Variants in THBS2 observed in about 807,000 individuals in gnomAD.
The protein encoded by THBS2 is thrombospondin 2, also known as thrombospondin-2.
THBS2 carries 47 observed loss-of-function variants against 135.2 expected under a neutral mutation model. The observed-to-expected ratio is 0.35, with a 90% CI of 0.28 to 0.44. The LOEUF (loss-of-function observed/expected upper bound fraction) is 0.44. Among genes scored for constraint, THBS2 ranks in the 20% least tolerant of loss-of-function variants. The pLI, the probability that THBS2 is intolerant of heterozygous loss-of-function variation, is 1.00. For missense variants in THBS2, 1,288 were observed against 1,603.1 expected, an observed-to-expected ratio of 0.80 and a Z score of 3.36; for synonymous variants, 639 against 633.8, an observed-to-expected ratio of 1.01 and a Z score of -0.12.
At chr6:169,236,056 CTCCCCATCCACACTCA>C (rs1308172492) in intron 9 of THBS2, among the ~76,000 whole-genome samples, 2 of 121,800 alleles carry the variant, frequency 1.6e-5, no homozygotes, top group Admixed American at 1.6e-4. Context: ...TCCACACTCA[CTCCCCATCCACACTCA>C]CCATCCACAC....
chr6:169,218,228 T>G (rs111069635), intron 21 of THBS2, among the ~76,000 whole-genome samples: 18,638 of 55,330 alleles, frequency 0.34, 1,586 homozygotes, highest in Middle Eastern at 0.51. Flanking sequence ...GATGAGATGG[T>G]TGGGTGGCTG....
chr6:169,231,828 T>G (rs937345485), intron 13 of THBS2, 152 bp downstream of exon 13: 1 of 827,404 alleles, frequency 1.2e-6, no homozygotes, highest in African/African-American at 1.7e-5. Flanking sequence ...ACCAGGGGGA[T>G]GCATTCAACC....
chr6:169,245,671 A>G lies in THBS2; in HGVS notation c.694+526T>C, dbSNP rs1380404317. Among the ~76,000 whole-genome samples, 3 of 151,918 alleles carry G rather than the reference A, an allele frequency of 2.0e-5. No individual in the cohort carries two copies. The East Asian group carries it at 5.8e-4, about 30-fold the overall frequency. On this transcript the variant is annotated intron_variant, in intron 4 of 21. Transcript: ENST00000617924. The stretch of plus-strand genomic sequence containing the variant: ...GCTGGGTGTGGTGGCGGGTGCCTGT[A>G]GTCCCAGCTACTCAGGAGGCTGAGG...
At chr6:169,227,557 C>A (rs1048194551) in intron 15 of THBS2, among the ~76,000 whole-genome samples, 1 of 152,154 alleles carries the variant, frequency 6.6e-6, no homozygotes, top group Non-Finnish European at 1.5e-5. Context: ...CCCAGGACTG[C>A]AAGGCTGGGG....
chr6:169,243,374 A>G (rs1440342609), intron 4 of THBS2, among the ~76,000 whole-genome samples: 3 of 152,222 alleles, frequency 2.0e-5, no homozygotes, highest in Admixed American at 6.5e-5. Context: ...CCCAGGCTCT[A>G]GGCCGGAGCT....
At chr6:169,233,138 C>T (rs1350701758) in intron 10 of THBS2, 121 bp from the exon 11 acceptor site, 7 of 1,345,188 alleles carry the variant, frequency 5.2e-6, no homozygotes, top group African/African-American at 1.5e-5. Context: ...TAGTCAGGAA[C>T]ACTCTGGTGT....
chr6:169,240,674 T>C (rs1780258384), intron 5 of THBS2, 82 bp from the exon 6 acceptor site: 1 of 1,505,760 alleles, frequency 6.6e-7, no homozygotes, highest in African/African-American at 1.4e-5. Context: ...AAAACAAAGT[T>C]CCTCCTTCAT....
chr6:169,226,385 C>T lies in THBS2; in HGVS notation c.2420-87G>A, dbSNP rs191080766. 53 of 987,028 alleles carry T rather than the reference C, an allele frequency of 5.4e-5. No homozygotes were observed. The Middle Eastern group carries it at 1.5e-3, about 28-fold the overall frequency. 61.1% of individuals were successfully genotyped at this position (987,028 alleles called of 1,614,324 possible). On this transcript the variant is annotated intron_variant, in intron 15 of 21. Coordinates refer to ENST00000617924, the MANE Select transcript of THBS2 (RefSeq NM_003247.5). ...AAAGCACATTGTTTTTCCTATCACA[C>T]GAAATTGCTTACAGCCACACTTCTA...
At chr6:169,231,706 G>A (rs1314170871) in intron 13 of THBS2, among the ~76,000 whole-genome samples, 3 of 152,226 alleles carry the variant, frequency 2.0e-5, no homozygotes, top group African/African-American at 4.8e-5. Flanking sequence ...AGTTTCAGGC[G>A]TTAACGATGC....
rs1779157914 is a variant in THBS2, at chr6:169,215,964, CAT to C, written c.*1856_*1857del. The C allele has an allele frequency of 6.6e-6, 1 of 152,396 alleles. No homozygotes were observed. The highest frequency in any genetic ancestry group is 2.1e-4 in the South Asian group (1 of 4,826). 9.4% of individuals were successfully genotyped at this position (152,396 alleles called of 1,614,324 possible). A position where few individuals can be genotyped will look rare whatever the true frequency, so the allele number is the denominator to read the frequency against. The stretch of plus-strand genomic sequence containing the variant: ...TATACGATAAATTTGTTTAGAAAAA[CAT>C]AAATAATTTACAAAAAATATGGTAC... On this transcript the variant is annotated 3_prime_UTR_variant, in exon 22 of 22. Coordinates refer to ENST00000617924, the MANE Select transcript of THBS2 (RefSeq NM_003247.5).
intron 12 of THBS2, among the ~76,000 whole-genome samples, 143 bp downstream of exon 12, chr6:169,232,492 CGCGGAGAGCAGCGGCCCAGCCGAGCAGGT>C (rs1779878445): frequency 6.6e-6 from 1 of 152,206 alleles, no homozygotes; most frequent in Non-Finnish European, 1.5e-5. Context: ...CCGCACCCCG[CGCGGAGAGCAGCGGCCCAGCCGAGCAGGT>C]GCTCAGCTTC....
In THBS2 at chr6:169,219,346, G is replaced by GA. The variant is rs1554244186; in HGVS notation, c.3511+851_3511+852insT. Among the ~76,000 whole-genome samples the GA allele has an allele frequency of 7.0e-5, 9 of 129,050 alleles. 1 individual carries two copies. The highest frequency in any genetic ancestry group is 1.6e-4 in the Admixed American group (2 of 12,304). 84.7% of individuals were successfully genotyped at this position (129,050 alleles called of 152,430 possible). ...TGGGTGGGTGTGTGGGTGGGTGGAT[G>GA]GATGGATGGTTGGGTGAATGGATGA... On this transcript the variant is annotated intron_variant, in intron 21 of 21. Coordinates refer to ENST00000617924, the MANE Select transcript of THBS2 (RefSeq NM_003247.5).
At chr6:169,222,897 C>T (rs1050381694) in intron 18 of THBS2, among the ~76,000 whole-genome samples, 8 of 152,026 alleles carry the variant, frequency 5.3e-5, no homozygotes, top group African/African-American at 9.7e-5. Flanking sequence ...GCAGGCAGGG[C>T]GGGCTCCCCT....
chr6:169,236,082 C>T (rs1340641666), intron 9 of THBS2, among the ~76,000 whole-genome samples: 2 of 123,212 alleles, frequency 1.6e-5, no homozygotes, highest in East Asian at 2.5e-4. Context: ...ACCATCCACA[C>T]TCACTCCCAT....
chr6:169,222,917 G>A (rs1439074497), intron 18 of THBS2, among the ~76,000 whole-genome samples: 2 of 152,084 alleles, frequency 1.3e-5, no homozygotes, highest in African/African-American at 2.4e-5. Flanking sequence ...TCATCATCCC[G>A]ATGGGCTCTT....
In THBS2 at chr6:169,228,172, G is replaced by A. The variant is rs1176764596; in HGVS notation, c.2369C>T (p.Thr790Ile). 1 of 1,613,992 alleles carries A rather than the reference G, an allele frequency of 6.2e-7. No individual in the cohort carries two copies. The highest frequency in any genetic ancestry group is 2.2e-5 in the East Asian group (1 of 44,890). The stretch of plus-strand genomic sequence containing the variant: ...GGCGTCACCCTCTCCATTGTTGTCT[G>A]TGTCGATCTGGGCAGGGTTGTGCAC... ...PYVHNPAQID[T>I]DNNGEGDACS... is the part of the protein sequence containing the mutation. The change falls in exon 15 of 22, where the codon ACA becomes ATA. Residue 790 changes from threonine to isoleucine, a missense_variant. Coordinates refer to ENST00000617924, the MANE Select transcript of THBS2 (RefSeq NM_003247.5).
At chr6:169,249,063 T>A in intron 2 of THBS2, 90 bp from the exon 3 acceptor site, 1 of 1,280,186 alleles carries the variant, frequency 7.8e-7, no homozygotes, top group Non-Finnish European at 1.1e-6. Flanking sequence ...ACCTCGCGTG[T>A]AAGGAAATTA....
rs376589804 is a variant in THBS2, at chr6:169,246,243, A to G, written c.648T>C (p.Ser216=). The G allele has an allele frequency of 9.9e-6, 16 of 1,613,850 alleles. No homozygotes were observed. The highest frequency in any genetic ancestry group is 1.4e-5 in the Non-Finnish European group (16 of 1,180,018). The change falls in exon 4 of 22, where the codon TCT becomes TCC. Residue 216 remains serine (S), a synonymous_variant. Coordinates refer to ENST00000617924, the MANE Select transcript of THBS2 (RefSeq NM_003247.5). ...CCTTCTTGCTTAGAATATCTTCCACAGAGTTTTCAAACACTAGGTGGACGT... is the reference window on the plus strand; with the variant it reads ...CCTTCTTGCTTAGAATATCTTCCACGGAGTTTTCAAACACTAGGTGGACGT... ...LQNVHLVFEN[S]VEDILSKKGC...
chr6:169,237,768 G>T lies in THBS2; in HGVS notation c.1157C>A (p.Pro386Gln). 1 of 1,611,344 alleles carries T rather than the reference G, an allele frequency of 6.2e-7. No individual in the cohort carries two copies. Residue 386 changes from proline (P) to glutamine (Q), a missense_variant, in exon 8 of 22, where the codon CCG (proline) becomes CAG (glutamine). This residue lies in a region of THBS2 where 874 missense variants were observed against 1,156.1 expected (regional missense o/e 0.76). Transcript: ENST00000617924. ...HSVDGEEGWSPWAEWTQCSVT... is the reference protein window; with the variant it reads ...HSVDGEEGWSQWAEWTQCSVT... ...GGAGCACTGGGTCCACTCTGCCCAC[G>T]GAGACCAGCCCTCCTCACCGTCCAC...
Sources: allele counts gnomAD v4.1 joint callset (sites outside exome capture counted in the v4.1 genomes callset), GRCh38; gene constraint gnomAD v4.1.1; regional missense constraint gnomAD v4.1.1; transcripts MANE v1.5; gene names NCBI Gene and HGNC (gene_info 2026-07-23, HGNC 2026-07-21).